Variants in EGFLAM observed in about 807,000 individuals in gnomAD.
The protein encoded by EGFLAM is pikachurin.
A neutral mutation model predicts 113.1 loss-of-function variants in EGFLAM; 79 were observed. That is an observed-to-expected ratio of 0.70 (90% CI 0.58 to 0.84). The LOEUF is 0.84. Ranked by LOEUF, EGFLAM falls within the 40% of genes least tolerant of loss-of-function variation. The pLI is 0.00. For synonymous variants in EGFLAM, 504 were observed against 487.6 expected, an observed-to-expected ratio of 1.03 and a Z score of -0.44; for missense variants, 1,265 against 1,291.6, an observed-to-expected ratio of 0.98 and a Z score of 0.32.
chr5:38,292,686 C>T (rs1035508042), intron 1 of EGFLAM, among the ~76,000 whole-genome samples: 5 of 152,170 alleles, frequency 3.3e-5, no homozygotes, highest in East Asian at 1.9e-4. Flanking sequence ...GTGTTCCTAT[C>T]ATGAAAATTT....
At chr5:38,338,331 A>G (rs1323341338) in intron 2 of EGFLAM, among the ~76,000 whole-genome samples, 1 of 152,152 alleles carries the variant, frequency 6.6e-6, no homozygotes, top group Non-Finnish European at 1.5e-5. Context: ...GCCGTTGATC[A>G]TGGCCCTCAT....
intron 1 of EGFLAM, among the ~76,000 whole-genome samples, chr5:38,284,374 C>T (rs547820775): frequency 3.9e-5 from 6 of 152,124 alleles, no homozygotes; most frequent in East Asian, 1.9e-4. Flanking sequence ...TTTCTATTTA[C>T]GGGGTCTTTC....
chr5:38,436,319 G>T (rs1742348657), intron 16 of EGFLAM, among the ~76,000 whole-genome samples: 1 of 152,154 alleles, frequency 6.6e-6, no homozygotes, highest in Non-Finnish European at 1.5e-5. Context: ...ACCAATGGTG[G>T]CTAAAGGATC....
intron 11 of EGFLAM, among the ~76,000 whole-genome samples, chr5:38,417,358 A>AC (rs1741681629): frequency 6.8e-6 from 1 of 146,792 alleles, no homozygotes; most frequent in African/African-American, 2.5e-5. Flanking sequence ...AAAAAAAAAA[A>AC]AAAAAAAAAA....
At chr5:38,402,975 C>T (rs534155617) in intron 6 of EGFLAM, among the ~76,000 whole-genome samples, 1 of 152,308 alleles carries the variant, frequency 6.6e-6, no homozygotes, top group African/African-American at 2.4e-5. Context: ...CAAGGAAGAA[C>T]AGCCTGGAAG....
At chr5:38,415,178 A>G (rs1008986477) in intron 11 of EGFLAM, among the ~76,000 whole-genome samples, 1 of 151,056 alleles carries the variant, frequency 6.6e-6, no homozygotes, top group Non-Finnish European at 1.5e-5. Context: ...CCTGGCCAAC[A>G]TGTGAAACCT....
chr5:38,393,469 G>T (rs975665315), intron 6 of EGFLAM, among the ~76,000 whole-genome samples: 2 of 152,258 alleles, frequency 1.3e-5, no homozygotes, highest in South Asian at 2.1e-4. Context: ...ACTCCTCATG[G>T]CAGGAAGAGT....
In EGFLAM at chr5:38,435,204, TGAA is replaced by T. The variant is rs767289720; in HGVS notation, c.2241_2243del (p.Lys747del). On this transcript the variant is annotated inframe_deletion, in exon 16 of 22. Transcript: ENST00000322350. ...GGCGGAGTCCCCAATTATGATGATG[TGAA>T]GAAGAACTCGGGTGTCCTGAAGCCT... 66 of 1,614,144 alleles carry T rather than the reference TGAA, an allele frequency of 4.1e-5. 1 individual carries two copies. In the Middle Eastern group the frequency reaches 1.2e-3, roughly 28 times the overall value.
At chr5:38,417,828 T>C (rs72742509) in intron 11 of EGFLAM, among the ~76,000 whole-genome samples, 5,045 of 152,022 alleles carry the variant, frequency 0.033, 115 homozygotes, top group East Asian at 0.077. Flanking sequence ...CCTTCCCTTC[T>C]AGACATTCCA....
chr5:38,426,876 A>G lies in EGFLAM; in HGVS notation c.1811-133A>G. On this transcript the variant is annotated intron_variant, in intron 13 of 21. Transcript: ENST00000322350. The stretch of plus-strand genomic sequence containing the variant: ...CTACTGGCCAGAATTCAGTCACACC[A>G]CCAACCTAACTGCAGGGCTGCTGGG... 3 of 1,372,430 alleles carry G rather than the reference A, an allele frequency of 2.2e-6. No individual in the cohort carries two copies. The Middle Eastern group carries it at 5.9e-4, about 268-fold the overall frequency. The allele number at this position is 1,372,430 out of a possible 1,614,324, so 85.0% of individuals were successfully genotyped here.
chr5:38,320,673 A>G (rs1411594304), intron 1 of EGFLAM, among the ~76,000 whole-genome samples: 1 of 152,016 alleles, frequency 6.6e-6, no homozygotes, highest in African/African-American at 2.4e-5. Context: ...GTGGAGATGC[A>G]TAGCTTTCCT....
At chr5:38,407,990 G>T (rs1741348782) in intron 9 of EGFLAM, 85 bp downstream of exon 9, 2 of 1,116,586 alleles carry the variant, frequency 1.8e-6, no homozygotes, top group South Asian at 1.3e-5. Context: ...GGGAGAGGAA[G>T]CGGGGCAGCA....
At chr5:38,400,658 G>C (rs1741085967) in intron 6 of EGFLAM, among the ~76,000 whole-genome samples, 1 of 152,132 alleles carries the variant, frequency 6.6e-6, no homozygotes, top group Non-Finnish European at 1.5e-5. Flanking sequence ...GCTGTGACTG[G>C]TTCTCTCTGT....
intron 1 of EGFLAM, among the ~76,000 whole-genome samples, chr5:38,336,559 G>C (rs995567617): frequency 8.7e-6 from 1 of 115,220 alleles, no homozygotes; most frequent in African/African-American, 4.4e-5. Context: ...GGGCGACAGA[G>C]TGAGACTCCG....
At chr5:38,427,398 TG>T in intron 14 of EGFLAM, 146 bp downstream of exon 14, 2 of 1,374,958 alleles carry the variant, frequency 1.5e-6, no homozygotes, top group Non-Finnish European at 1.9e-6. Flanking sequence ...TGACTTGTCC[TG>T]CTTCAGGCAG....
chr5:38,436,654 TC>T, intron 16 of EGFLAM, among the ~76,000 whole-genome samples: 1 of 152,282 alleles, frequency 6.6e-6, no homozygotes, highest in African/African-American at 2.4e-5. Context: ...GGCTGTGCCC[TC>T]CCCTTCACGC....
intron 17 of EGFLAM, among the ~76,000 whole-genome samples, chr5:38,440,699 G>C (rs562621503): frequency 6.6e-6 from 1 of 152,124 alleles, no homozygotes; most frequent in South Asian, 2.1e-4. Flanking sequence ...GTTTTTTTCT[G>C]CCTCATAATC....
At chr5:38,266,615 A>T (rs1757641327) in intron 1 of EGFLAM, among the ~76,000 whole-genome samples, 1 of 152,172 alleles carries the variant, frequency 6.6e-6, no homozygotes, top group Non-Finnish European at 1.5e-5. Flanking sequence ...CATGTGATGT[A>T]ACTTGTATTG....
At position 38,464,706 on chromosome 5, in the gene EGFLAM, C is replaced by T. The variant is rs1264201455; in HGVS notation, c.*720C>T. Reference sequence around the variant, plus strand: ...TTTTTATAGCTGCAGATTGTCCACACAGTATACTTTTGGAAGTTTGGGTGG... The same window carrying T: ...TTTTTATAGCTGCAGATTGTCCACATAGTATACTTTTGGAAGTTTGGGTGG... On this transcript the variant is annotated 3_prime_UTR_variant, in exon 22 of 22. Transcript: ENST00000322350. 6.6e-6 allele frequency: 1 copy of T among 152,236 alleles called. No individual in the cohort carries two copies. Among genetic ancestry groups the T allele is most frequent in the Non-Finnish European group, 1.5e-5 (1 of 68,054 alleles). 9.4% of individuals were successfully genotyped at this position (152,236 alleles called of 1,614,324 possible). A position where few individuals can be genotyped will look rare whatever the true frequency, so the allele number is the denominator to read the frequency against.
Sources: gnomAD v4.1 joint callset for allele counts (sites outside exome capture counted in the v4.1 genomes callset) on GRCh38, gnomAD v4.1.1 for gene constraint, MANE v1.5 for transcripts, NCBI Gene and HGNC (gene_info 2026-07-23, HGNC 2026-07-21) for gene names.